SYN3: variants seen among roughly 807,000 people sequenced by gnomAD.
The protein encoded by SYN3 is synapsin III, also known as synapsin-3.
In SYN3, 35 loss-of-function variants were observed where a neutral mutation model predicts 65.8. The observed-to-expected ratio is 0.53, with a 90% confidence interval of 0.41 to 0.70. The LOEUF is 0.70. Ranked by LOEUF, SYN3 falls within the 30% of genes least tolerant of loss-of-function variation. The pLI, the probability that SYN3 is intolerant of heterozygous loss-of-function variation, is 0.00. For synonymous variants in SYN3, 270 were observed against 292.9 expected (o/e 0.92, Z 0.80); for missense variants, 680 against 749.0 (o/e 0.91, Z 1.08).
At chr22:32,865,105 G>A (rs980534149) in intron 5 of SYN3, 101 bp from the exon 6 acceptor site, 24 of 936,898 alleles carry the variant, frequency 2.6e-5, no homozygotes, top group East Asian at 7.3e-5. Context: ...GTTCTGAGCC[G>A]AGCTTCAGTA....
At chr22:32,672,023 G>A (rs2060378544) in intron 6 of SYN3, among the ~76,000 whole-genome samples, 1 of 152,244 alleles carries the variant, frequency 6.6e-6, no homozygotes, top group Non-Finnish European at 1.5e-5. Flanking sequence ...AAATTCTGGA[G>A]AGCAGCAGTT....
intron 2 of SYN3, among the ~76,000 whole-genome samples, chr22:32,992,322 G>A (rs1013681468): frequency 9.2e-5 from 14 of 152,208 alleles, no homozygotes; most frequent in African/African-American, 3.1e-4. Context: ...CTGCACCTGA[G>A]GGGAGCTCAT....
chr22:32,996,698 A>T (rs558272992), intron 2 of SYN3, among the ~76,000 whole-genome samples: 1 of 152,374 alleles, frequency 6.6e-6, no homozygotes, highest in Non-Finnish European at 1.5e-5. Context: ...TTGGTGCTTT[A>T]AAAAGAGGAA....
chr22:32,913,481 A>T (rs1213889741), intron 4 of SYN3, among the ~76,000 whole-genome samples: 4 of 150,382 alleles, frequency 2.7e-5, no homozygotes, highest in African/African-American at 7.3e-5. Context: ...TTTTTTTTTT[A>T]AAGAAAAAAA....
chr22:32,808,741 T>C (rs1353235739), intron 6 of SYN3, among the ~76,000 whole-genome samples: 1 of 152,182 alleles, frequency 6.6e-6, no homozygotes, highest in East Asian at 1.9e-4. Flanking sequence ...CTCCTTGGCA[T>C]TGGTACAGAC....
rs2060692073 is a variant in SYN3 at position 32,693,342 on chromosome 22, A to G, written c.712-96606T>C. On this transcript the variant is annotated intron_variant, in intron 6 of 13. Coordinates refer to ENST00000358763, the MANE Select transcript of SYN3 (RefSeq NM_003490.4). ...GTAGAGAGCGTGGGTACAGTGGACA[A>G]AGCATGATGCATGTTTTTGGGAGAA... is the stretch of plus-strand genomic sequence containing the variant. Among the ~76,000 whole-genome samples the G allele has an allele frequency of 5.3e-5, 8 of 152,044 alleles. No homozygotes were observed. In the South Asian group the frequency reaches 1.7e-3, roughly 32 times the overall value.
intron 7 of SYN3, among the ~76,000 whole-genome samples, chr22:32,578,753 C>A (rs2058892234): frequency 6.6e-6 from 1 of 152,122 alleles, no homozygotes; most frequent in South Asian, 2.1e-4. Flanking sequence ...AAAATGTATT[C>A]CTCATTGGGG....
chr22:32,724,877 T>C (rs963101184), intron 6 of SYN3, among the ~76,000 whole-genome samples: 7 of 151,966 alleles, frequency 4.6e-5, no homozygotes, highest in Non-Finnish European at 1.0e-4. Flanking sequence ...TCCCAGCACT[T>C]TGGGAGGCTG....
chr22:32,701,110 C>T (rs1026947095), intron 6 of SYN3, among the ~76,000 whole-genome samples: 13 of 152,192 alleles, frequency 8.5e-5, no homozygotes, highest in Non-Finnish European at 1.5e-4. Context: ...CAGAATTAGC[C>T]TTCTAGAATC....
rs139765465 is a variant in SYN3, at chr22:32,562,001, G to A, written c.775-20288C>T. Among the ~76,000 whole-genome samples the A allele has an allele frequency of 1.7e-3, 265 of 152,288 alleles. 1 individual carries two copies. Among genetic ancestry groups the A allele is most frequent in the Non-Finnish European group, 3.1e-3 (212 of 68,018 alleles). ...ACACCCCAGCATAAACCTGCAACGT[G>A]GCTGACTGGTTGGAAGAGCATATTG... On this transcript the variant is annotated intron_variant, in intron 7 of 13. Coordinates refer to ENST00000358763, the MANE Select transcript of SYN3 (RefSeq NM_003490.4).
intron 3 of SYN3, among the ~76,000 whole-genome samples, chr22:32,974,721 T>G (rs1455010690): frequency 6.6e-6 from 1 of 152,166 alleles, no homozygotes; most frequent in Non-Finnish European, 1.5e-5. Context: ...TGTGGTTTGA[T>G]AGTGCAGCCT....
At chr22:32,635,106 T>G (rs188010254) in intron 6 of SYN3, 1 of 152,172 alleles carries the variant, frequency 6.6e-6, no homozygotes, top group African/African-American at 2.4e-5. Context: ...TATATCGGTC[T>G]ACATCTCCCA....
At chr22:32,752,653 A>G (rs375258552) in intron 6 of SYN3, among the ~76,000 whole-genome samples, 1 of 152,158 alleles carries the variant, frequency 6.6e-6, no homozygotes, top group East Asian at 1.9e-4. Flanking sequence ...CCACCCCAGA[A>G]GGGCATCCTA....
chr22:32,595,108 G>T (rs545487402), intron 7 of SYN3, among the ~76,000 whole-genome samples: 1 of 152,278 alleles, frequency 6.6e-6, no homozygotes, highest in South Asian at 2.1e-4. Flanking sequence ...CCTTTCCTGT[G>T]GGACTCTGAT....
At chr22:32,883,316 C>T (rs1281782593) in intron 4 of SYN3, among the ~76,000 whole-genome samples, 1 of 152,210 alleles carries the variant, frequency 6.6e-6, no homozygotes, top group African/African-American at 2.4e-5. Flanking sequence ...AAACTGGGAA[C>T]CTCTTAAGAC....
At chr22:33,052,391 CCTCCTCCTCCTCTTCTTT>C (rs1377410736) in intron 1 of SYN3, among the ~76,000 whole-genome samples, 2 of 151,950 alleles carry the variant, frequency 1.3e-5, no homozygotes, top group Non-Finnish European at 2.9e-5. Flanking sequence ...AAAGAATCCT[CCTCCTCCTCCTCTTCTTT>C]CTCCTCCTCC....
intron 6 of SYN3, among the ~76,000 whole-genome samples, chr22:32,663,349 A>T (rs887546025): frequency 6.9e-6 from 1 of 144,330 alleles, no homozygotes; most frequent in Non-Finnish European, 1.5e-5. Flanking sequence ...CCCAGGCTGG[A>T]GTGCAGTGGC....
At position 32,995,208 on chromosome 22, in the gene SYN3, C is replaced by T. The variant is rs573587682; in HGVS notation, c.311+11144G>A. Reference sequence around the variant, plus strand: ...TAGGGGGATCTGGTTTGGCTCTTCCCAGCCAGAAAACAAGGAAGCTCTAAG... The same window carrying T: ...TAGGGGGATCTGGTTTGGCTCTTCCTAGCCAGAAAACAAGGAAGCTCTAAG... On this transcript the variant is annotated intron_variant, in intron 2 of 13. Transcript: ENST00000358763. Among the ~76,000 whole-genome samples the T allele has an allele frequency of 3.7e-3, 563 of 152,264 alleles. 3 individuals are homozygous for T. The highest frequency in any genetic ancestry group is 0.012 in the African/African-American group (514 of 41,554).
intron 6 of SYN3, among the ~76,000 whole-genome samples, chr22:32,814,355 A>AAGAAAGAG (rs1168422548): frequency 3.9e-4 from 59 of 150,962 alleles, no homozygotes; most frequent in African/African-American, 7.6e-4. Context: ...GAAAGAGAGA[A>AAGAAAGAG]AGAAAGAAAG....
Sources: allele counts gnomAD v4.1 joint callset (sites outside exome capture counted in the v4.1 genomes callset), GRCh38; gene constraint gnomAD v4.1.1; transcripts MANE v1.5; gene names NCBI Gene and HGNC (gene_info 2026-07-23, HGNC 2026-07-21).